The following RBFOX1 variants were observed in gnomAD, a reference collection of about 807,000 sequenced individuals.
RBFOX1 encodes RNA binding fox-1 homolog 1.
A neutral mutation model predicts 57.7 loss-of-function variants in RBFOX1; 8 were observed. The ratio of observed to expected loss-of-function variants is 0.14; its 90% CI spans 0.08 to 0.25. The LOEUF is 0.25. Ranked by LOEUF, RBFOX1 falls within the 10% of genes least tolerant of loss-of-function variation. The pLI is 1.00. For synonymous variants in RBFOX1, 326 were observed against 222.4 expected (o/e 1.47, Z -4.15); for missense variants, 611 against 548.5 (o/e 1.11, Z -1.14).
chr16:6,953,510 C>G (rs1012323899), intron 3 of RBFOX1, among the ~76,000 whole-genome samples: 1 of 152,062 alleles, frequency 6.6e-6, no homozygotes, highest in South Asian at 2.1e-4. Flanking sequence ...TTCAGCCTCC[C>G]GAGTAGCTGG....
intron 6 of RBFOX1, among the ~76,000 whole-genome samples, chr16:7,584,698 G>A (rs575330921): frequency 1.3e-5 from 2 of 152,308 alleles, no homozygotes; most frequent in African/African-American, 2.4e-5. Flanking sequence ...TTATGTCTGC[G>A]AATGAGTCGT....
At chr16:6,634,827 T>C (rs1406114510) in intron 2 of RBFOX1, among the ~76,000 whole-genome samples, 1 of 139,876 alleles carries the variant, frequency 7.1e-6, no homozygotes, top group East Asian at 2.1e-4. Context: ...TACAAAGATA[T>C]ACATATATTT....
chr16:6,906,786 A>C (rs963110375), intron 3 of RBFOX1, among the ~76,000 whole-genome samples: 1 of 151,394 alleles, frequency 6.6e-6, no homozygotes, highest in African/African-American at 2.4e-5. Flanking sequence ...ACAGTGGTGA[A>C]ATTTCAGCTC....
chr16:5,376,187 A>G (rs974147439), intron 1 of RBFOX1, among the ~76,000 whole-genome samples: 57 of 150,732 alleles, frequency 3.8e-4, no homozygotes, highest in Middle Eastern at 3.4e-3. Context: ...AAAAAAAAAA[A>G]GGTTAGTAAT....
chr16:6,744,550 A>G (rs1404353360), intron 3 of RBFOX1, among the ~76,000 whole-genome samples: 2 of 152,098 alleles, frequency 1.3e-5, no homozygotes, highest in Non-Finnish European at 2.9e-5. Context: ...TAAAATGAAA[A>G]TCTCCAAACA....
intron 4 of RBFOX1, among the ~76,000 whole-genome samples, chr16:7,187,945 T>C (rs956478161): frequency 6.6e-5 from 10 of 152,304 alleles, no homozygotes; most frequent in African/African-American, 1.9e-4. Context: ...ATCACAGCAC[T>C]TTAAGAATCA....
At chr16:6,869,749 T>C (rs2153254402) in intron 3 of RBFOX1, among the ~76,000 whole-genome samples, 1 of 152,288 alleles carries the variant, frequency 6.6e-6, no homozygotes, top group Admixed American at 6.5e-5. Flanking sequence ...TGATTGGAAA[T>C]GGGTAAAATT....
chr16:7,428,928 G>T lies in RBFOX1; in HGVS notation c.28-89219G>T, dbSNP rs538440067. On this transcript the variant is annotated intron_variant, in intron 4 of 15. Transcript: ENST00000550418. ...CTACTCACATCTGCACATGTAGGTC[G>T]TAAAGTACAACACAGTACAATGCCT... Among the ~76,000 whole-genome samples, 4 of 152,172 alleles carry T rather than the reference G, an allele frequency of 2.6e-5. No homozygotes were observed. In the South Asian group the frequency reaches 8.3e-4, roughly 32 times the overall value.
chr16:6,616,130 G>A (rs908912366), intron 2 of RBFOX1, among the ~76,000 whole-genome samples: 6 of 152,196 alleles, frequency 3.9e-5, no homozygotes, highest in African/African-American at 9.6e-5. Flanking sequence ...TATAGGAAGT[G>A]TCAGGCCTTT....
chr16:6,853,113 C>T (rs991909166), intron 3 of RBFOX1, among the ~76,000 whole-genome samples: 1 of 152,252 alleles, frequency 6.6e-6, no homozygotes, highest in African/African-American at 2.4e-5. Flanking sequence ...ATATATACTA[C>T]CTAATGATTG....
At chr16:6,606,513 C>G (rs529660722) in intron 2 of RBFOX1, among the ~76,000 whole-genome samples, 46 of 152,190 alleles carry the variant, frequency 3.0e-4, no homozygotes, top group African/African-American at 1.0e-3. Context: ...CTGATGCTTT[C>G]CCTCCTCCTT....
At chr16:6,608,377 T>G (rs1011480039) in intron 2 of RBFOX1, among the ~76,000 whole-genome samples, 1 of 152,158 alleles carries the variant, frequency 6.6e-6, no homozygotes, top group Non-Finnish European at 1.5e-5. Flanking sequence ...TCTTTGTGGG[T>G]TTTGTTTATA....
chr16:5,631,984 T>G (rs1399871492), intron 3 of RBFOX1, among the ~76,000 whole-genome samples: 3 of 152,154 alleles, frequency 2.0e-5, no homozygotes, highest in African/African-American at 4.8e-5. Flanking sequence ...CTGTTTGCTC[T>G]CTATAAGCTT....
At chr16:5,860,325 T>C (rs1468983944) in intron 3 of RBFOX1, among the ~76,000 whole-genome samples, 1 of 152,130 alleles carries the variant, frequency 6.6e-6, no homozygotes, top group African/African-American at 2.4e-5. Context: ...TCCACCCGCC[T>C]CCACCTCCCA....
At chr16:7,460,647 C>G (rs2059414734) in intron 4 of RBFOX1, among the ~76,000 whole-genome samples, 1 of 151,242 alleles carries the variant, frequency 6.6e-6, no homozygotes, top group Admixed American at 6.6e-5. Flanking sequence ...ATGAAATAAT[C>G]TGCACAACAA....
chr16:5,338,708 G>C (rs921159945), intron 1 of RBFOX1, among the ~76,000 whole-genome samples: 1 of 152,156 alleles, frequency 6.6e-6, no homozygotes, highest in African/African-American at 2.4e-5. Context: ...ACCCAGGCTG[G>C]AGTGTAGTGG....
intron 4 of RBFOX1, among the ~76,000 whole-genome samples, chr16:7,217,970 C>T (rs905958735): frequency 6.6e-6 from 1 of 150,454 alleles, no homozygotes; most frequent in South Asian, 2.1e-4. Flanking sequence ...GTACCTGTGT[C>T]TGCGTGTGTG....
At chr16:6,377,285 A>AG (rs59095827) in intron 2 of RBFOX1, among the ~76,000 whole-genome samples, 15,043 of 148,666 alleles carry the variant, frequency 0.1, 946 homozygotes, top group Middle Eastern at 0.24. Context: ...AAAAAAAAAA[A>AG]AAAAAGAAAA....
intron 4 of RBFOX1, among the ~76,000 whole-genome samples, chr16:5,937,521 A>G (rs935678356): frequency 9.9e-5 from 15 of 152,078 alleles, no homozygotes; most frequent in African/African-American, 3.1e-4. Flanking sequence ...GCAGGCAACT[A>G]TATGATATAT....
Sources: gnomAD v4.1 joint callset for allele counts (sites outside exome capture counted in the v4.1 genomes callset) on GRCh38, gnomAD v4.1.1 for gene constraint, MANE v1.5 for transcripts, NCBI Gene and HGNC (gene_info 2026-07-23, HGNC 2026-07-21) for gene names.